Variants in KCTD2 observed in about 807,000 individuals in gnomAD.
The protein encoded by KCTD2 is potassium channel tetramerization domain containing 2, also known as BTB/POZ domain-containing protein KCTD2.
Under a neutral mutation model 27.9 loss-of-function variants are expected in KCTD2, and 18 were observed. That is an observed-to-expected ratio of 0.64 (90% CI 0.45 to 0.96). The LOEUF is 0.96. Ranked by LOEUF, KCTD2 falls within the 40% of genes least tolerant of loss-of-function variation. The pLI, the probability that KCTD2 is intolerant of heterozygous loss-of-function variation, is 0.00. For missense variants in KCTD2, 280 were observed against 348.0 expected (o/e 0.80, Z 1.56); for synonymous variants, 175 against 148.4 (o/e 1.18, Z -1.30).
chr17:75,034,564 G>T (rs2040096847), intron 2 of KCTD2, among the ~76,000 whole-genome samples: 1 of 152,150 alleles, frequency 6.6e-6, no homozygotes, highest in African/African-American at 2.4e-5. Flanking sequence ...GCCCAAACAC[G>T]GCCCTGCTGT....
Position 75,064,674 on chromosome 17 carries a change from A to G in KCTD2, c.*1627A>G, listed in dbSNP as rs931013820. 1 of 152,146 alleles carries G rather than the reference A, an allele frequency of 6.6e-6. No individual in the cohort carries two copies. The highest frequency in any genetic ancestry group is 2.4e-5 in the African/African-American group (1 of 41,424). The allele number at this position is 152,146 out of a possible 1,614,324, so 9.4% of individuals were successfully genotyped here. A position where few individuals can be genotyped will look rare whatever the true frequency, so the allele number is the denominator to read the frequency against. ...CTGACACATCAACGTCTACACACCTATGCGCCACATTTTACAGCTGTAAAG... is the reference window on the plus strand; with the variant it reads ...CTGACACATCAACGTCTACACACCTGTGCGCCACATTTTACAGCTGTAAAG... On this transcript the variant is annotated 3_prime_UTR_variant, in exon 6 of 6. Transcript: ENST00000322444.
intron 3 of KCTD2, among the ~76,000 whole-genome samples, chr17:75,055,399 T>C (rs535645948): frequency 1.3e-5 from 2 of 152,116 alleles, no homozygotes; most frequent in Non-Finnish European, 2.9e-5. Flanking sequence ...GGTCTTTCTA[T>C]GTTAGATTTC....
At chr17:75,035,005 T>C (rs931861972) in intron 2 of KCTD2, among the ~76,000 whole-genome samples, 8 of 151,822 alleles carry the variant, frequency 5.3e-5, no homozygotes, top group African/African-American at 1.9e-4. Flanking sequence ...AGAGGAAGGG[T>C]GAGCGCTTCG....
chr17:75,037,895 A>C (rs1449568118), intron 3 of KCTD2, among the ~76,000 whole-genome samples: 2 of 151,812 alleles, frequency 1.3e-5, no homozygotes, highest in African/African-American at 2.4e-5. Flanking sequence ...TAAAAATAAA[A>C]CAAATTAGCC....
chr17:75,050,216 T>C (rs914484107), intron 2 of KCTD2, among the ~76,000 whole-genome samples: 1 of 152,186 alleles, frequency 6.6e-6, no homozygotes, highest in African/African-American at 2.4e-5. Context: ...CTTAATCTTA[T>C]TTATTTTTCT....
chr17:75,038,344 T>C lies in KCTD2; in HGVS notation c.-259+2987T>C, dbSNP rs544143317. On this transcript the variant is annotated intron_variant, in intron 3 of 7. Transcript: ENST00000581589. ...TTTTAGTAGAGATGGGGTTTCACCA[T>C]CTTGGCCAGGCTGGTCTCAAACTCC... is the stretch of plus-strand genomic sequence containing the variant. 1.7e-3 allele frequency among the ~76,000 whole-genome samples: 261 copies of C among 152,238 alleles called. 3 individuals are homozygous for C. In the South Asian group the frequency reaches 0.023, roughly 14 times the overall value.
chr17:75,033,932 C>T (rs1176955047), intron 1 of KCTD2: 4 of 152,282 alleles, frequency 2.6e-5, no homozygotes, highest in Admixed American at 2.0e-4. Context: ...GGATAAGGCA[C>T]TGGCCTCCTA....
At chr17:75,033,907 C>T (rs890771105) in intron 1 of KCTD2, 2 of 152,308 alleles carry the variant, frequency 1.3e-5, no homozygotes, top group Admixed American at 6.5e-5. Context: ...GTGCCCCAAG[C>T]CCCAGTGGCC....
chr17:75,047,630 C>A, intron 1 of KCTD2, 41 bp downstream of exon 1: 3 of 1,575,634 alleles, frequency 1.9e-6, no homozygotes, highest in Non-Finnish European at 2.6e-6. Flanking sequence ...CCTTCGAACC[C>A]CCTGGTTTCT....
At position 75,049,328 on chromosome 17, in the gene KCTD2, G is replaced by C; in HGVS notation, c.448G>C (p.Gly150Arg). The change falls in exon 2 of 6, where the codon GGT becomes CGT. Residue 150 changes from glycine (G) to arginine (R), a missense_variant and splice_region_variant. By Grantham distance (125) the Gly-to-Arg change is moderately radical. Coordinates refer to ENST00000322444, the MANE Select transcript of KCTD2 (RefSeq NM_015353.3). ...LIITKELAEE[G>R]VLEEAEFYNI... ...CATCACTAAGGAGTTGGCAGAAGAA[G>C]GTAAGCGCACTGTTTGCATTGGGGA... 6.4e-7 allele frequency: 1 copy of C among 1,573,664 alleles called. No individual in the cohort carries two copies. The highest frequency in any genetic ancestry group is 8.7e-7 in the Non-Finnish European group (1 of 1,143,756).
chr17:75,034,125 C>T (rs1231453988), intron 2 of KCTD2: 9 of 152,212 alleles, frequency 5.9e-5, no homozygotes, highest in Admixed American at 5.2e-4. Context: ...CCGGTAAGCT[C>T]GGGTCTTGCC....
chr17:75,053,832 G>A lies in KCTD2; in HGVS notation c.540+727G>A, dbSNP rs112919118. Among the ~76,000 whole-genome samples the A allele has an allele frequency of 5.0e-5, 7 of 140,698 alleles. 1 individual carries two copies. The highest frequency in any genetic ancestry group is 1.9e-4 in the African/African-American group (7 of 36,410). 92.3% of individuals were successfully genotyped at this position (140,698 alleles called of 152,430 possible). On this transcript the variant is annotated intron_variant, in intron 3 of 5. Transcript: ENST00000322444. ...ACTTGAAACCAGTCTCATGGGGTAC[G>A]CTTCAGCAGCTGCTTGTGAACCATG...
In KCTD2 at chr17:75,039,120, C is replaced by T. The variant is rs1598684394; in HGVS notation, c.-259+3763C>T. 4 of 1,612,138 alleles carry T rather than the reference C, an allele frequency of 2.5e-6. No individual in the cohort carries two copies. In the East Asian group the frequency reaches 8.9e-5, roughly 36 times the overall value. On this transcript the variant is annotated intron_variant, in intron 3 of 7. Transcript: ENST00000581589. ...TAAACAGAGACGGAAAGCAGAATAT[C>T]CAAGGCAGGTTCCTGCCACCAGGTG...
chr17:75,053,530 TC>T (rs1364767804), intron 3 of KCTD2, among the ~76,000 whole-genome samples: 5 of 152,022 alleles, frequency 3.3e-5, no homozygotes, highest in Non-Finnish European at 7.4e-5. Flanking sequence ...AACCTCTGCC[TC>T]CCAGGTTCAA....
At chr17:75,053,748 A>T (rs1598124329) in intron 3 of KCTD2, among the ~76,000 whole-genome samples, 2 of 145,080 alleles carry the variant, frequency 1.4e-5, no homozygotes, top group Non-Finnish European at 3.0e-5. Context: ...CAGCTTGGCC[A>T]CTCTTTATGG....
At position 75,062,102 on chromosome 17, in the gene KCTD2, G is replaced by A. The variant is rs978980118; in HGVS notation, c.637-18G>A. The A allele has an allele frequency of 4.3e-6, 7 of 1,613,474 alleles. No individual in the cohort carries two copies. The highest frequency in any genetic ancestry group is 2.7e-5 in the African/African-American group (2 of 74,898). ...TAAGATTGCCACATGAATGTTCACT[G>A]TATTCTTGGTTCATCAGCTCATCAG... On this transcript the variant is annotated intron_variant, in intron 4 of 5. Coordinates refer to ENST00000322444, the MANE Select transcript of KCTD2 (RefSeq NM_015353.3).
At chr17:75,050,275 A>G (rs1388888112) in intron 2 of KCTD2, among the ~76,000 whole-genome samples, 2 of 151,966 alleles carry the variant, frequency 1.3e-5, no homozygotes, top group Non-Finnish European at 2.9e-5. Flanking sequence ...TATGGGGTAC[A>G]TGAGATTTTT....
chr17:75,056,948 T>C (rs2073355872), intron 3 of KCTD2, among the ~76,000 whole-genome samples: 1 of 134,564 alleles, frequency 7.4e-6, no homozygotes, highest in Non-Finnish European at 1.6e-5. Context: ...TTTTTTTCTT[T>C]TTTCTTTTTT....
chr17:75,060,677 G>C, intron 4 of KCTD2: 1 of 1,440,562 alleles, frequency 6.9e-7, no homozygotes, highest in South Asian at 1.3e-5. Flanking sequence ...GCGAGGGCGG[G>C]TCAGGCTGCA....
Sources: allele counts gnomAD v4.1 joint callset (sites outside exome capture counted in the v4.1 genomes callset), GRCh38; gene constraint gnomAD v4.1.1; transcripts MANE v1.5; gene names NCBI Gene and HGNC (gene_info 2026-07-23, HGNC 2026-07-21).